The following STPG2 variants were observed in gnomAD, a reference collection of about 807,000 sequenced individuals.
STPG2 encodes the protein sperm tail PG-rich repeat containing 2.
Under a neutral mutation model 54.2 loss-of-function variants are expected in STPG2, and 56 were observed. The ratio of observed to expected loss-of-function variants is 1.03; its 90% CI spans 0.83 to 1.29. The LOEUF is 1.29. Ranked by LOEUF, STPG2 falls within the 50% of genes most tolerant of loss-of-function variation. STPG2 has a pLI of 0.00. For synonymous variants in STPG2, 200 were observed against 181.8 expected, an observed-to-expected ratio of 1.10 and a Z score of -0.81; for missense variants, 596 against 544.9, an observed-to-expected ratio of 1.09 and a Z score of -0.93.
chr4:97,466,964 A>G (rs1359881112), intron 4 of STPG2, among the ~76,000 whole-genome samples: 20 of 152,066 alleles, frequency 1.3e-4, no homozygotes, highest in Admixed American at 1.3e-3. Flanking sequence ...AAGCTACTAT[A>G]GTCAAAACCG....
At position 97,981,160 on chromosome 4, in the gene STPG2, T is replaced by C. The variant is rs1299919193; in HGVS notation, c.771A>G (p.Pro257=). The C allele has an allele frequency of 6.2e-7, 1 of 1,613,012 alleles. No individual in the cohort carries two copies. The highest frequency in any genetic ancestry group is 1.7e-5 in the Admixed American group (1 of 59,826). ...GACATATATAGATAAATTGCTAACC[T>C]GGCATTTCCTCTGTCCTGATGTCCT... ...FTQDIRTEEM[P]GPGFYNVLNN... is the part of the protein sequence containing the mutation. The change falls in exon 6 of 11, where the codon CCA becomes CCG. Residue 257 remains proline, a splice_region_variant and synonymous_variant. Transcript: ENST00000295268.
chr4:97,610,422 T>G (rs954313888), intron 10 of STPG2, among the ~76,000 whole-genome samples: 2 of 152,150 alleles, frequency 1.3e-5, no homozygotes, highest in East Asian at 3.9e-4. Context: ...TTACTACAAT[T>G]GAGACTACAA....
intron 5 of STPG2, among the ~76,000 whole-genome samples, chr4:98,037,424 T>C (rs1226767067): frequency 6.6e-6 from 1 of 152,074 alleles, no homozygotes; most frequent in Non-Finnish European, 1.5e-5. Context: ...CACTAATGAG[T>C]ATTTTTTAAG....
intron 8 of STPG2, among the ~76,000 whole-genome samples, chr4:97,859,736 A>G (rs1222142927): frequency 6.6e-6 from 1 of 152,170 alleles, no homozygotes; most frequent in East Asian, 1.9e-4. Context: ...TGCTGGGATT[A>G]TATGTGTGAT....
Position 97,717,536 on chromosome 4 carries a change from G to T in STPG2, c.1205-4722C>A, listed in dbSNP as rs113952920. ...ATACAAAGTCATATGGATTTGGCTTGACTGAAATATCTCTTCAGACAGCAA... is the reference window on the plus strand; with the variant it reads ...ATACAAAGTCATATGGATTTGGCTTTACTGAAATATCTCTTCAGACAGCAA... On this transcript the variant is annotated intron_variant, in intron 9 of 10. Transcript: ENST00000295268. Among the ~76,000 whole-genome samples the T allele has an allele frequency of 6.4e-3, 981 of 152,232 alleles. 5 individuals carry two copies. Among genetic ancestry groups the T allele is most frequent in the Non-Finnish European group, 0.01 (691 of 67,998 alleles).
chr4:97,850,445 G>A (rs1309257631), intron 8 of STPG2, among the ~76,000 whole-genome samples: 1 of 148,484 alleles, frequency 6.7e-6, no homozygotes. Context: ...AGAGGTTGAA[G>A]TAATTTTACC....
intron 2 of STPG2, among the ~76,000 whole-genome samples, chr4:98,131,461 G>A (rs947872968): frequency 3.9e-5 from 6 of 151,976 alleles, no homozygotes; most frequent in Non-Finnish European, 8.8e-5. Flanking sequence ...CCCCACACAC[G>A]AAATATCTGC....
intron 5 of STPG2, among the ~76,000 whole-genome samples, chr4:97,999,468 C>A (rs1200085000): frequency 6.6e-6 from 1 of 151,812 alleles, no homozygotes; most frequent in Non-Finnish European, 1.5e-5. Flanking sequence ...TTTGGGAGGC[C>A]GAGGTGGGCA....
intron 4 of STPG2, among the ~76,000 whole-genome samples, chr4:97,522,089 T>C (rs888725941): frequency 1.3e-5 from 2 of 152,050 alleles, no homozygotes. Context: ...AATTTTTTCT[T>C]AAACCTGACT....
At chr4:98,137,350 C>T (rs910732049) in intron 1 of STPG2, among the ~76,000 whole-genome samples, 3 of 151,624 alleles carry the variant, frequency 2.0e-5, no homozygotes, top group Non-Finnish European at 3.0e-5. Context: ...TAGTGTTTAA[C>T]TGTAGGGCAG....
chr4:97,894,890 G>C (rs1288097006), intron 8 of STPG2, among the ~76,000 whole-genome samples: 1 of 151,860 alleles, frequency 6.6e-6, no homozygotes, highest in African/African-American at 2.4e-5. Flanking sequence ...AATTATTCAA[G>C]TGACAGTGCA....
intron 5 of STPG2, among the ~76,000 whole-genome samples, chr4:98,007,636 T>C (rs999754961): frequency 1.3e-5 from 2 of 151,956 alleles, no homozygotes; most frequent in African/African-American, 4.8e-5. Flanking sequence ...AAATGCAAGA[T>C]AAAGAATTCA....
intron 4 of STPG2, among the ~76,000 whole-genome samples, chr4:97,533,891 T>G (rs1731470612): frequency 2.0e-5 from 3 of 152,144 alleles, no homozygotes; most frequent in African/African-American, 4.8e-5. Flanking sequence ...ATAAATATTT[T>G]GAATACATAC....
intron 4 of STPG2, among the ~76,000 whole-genome samples, chr4:97,550,054 TG>T (rs1731930274): frequency 1.3e-5 from 2 of 152,134 alleles, no homozygotes; most frequent in Non-Finnish European, 2.9e-5. Context: ...AATAAAAAGA[TG>T]TATATTAAAG....
intron 4 of STPG2, among the ~76,000 whole-genome samples, chr4:97,510,249 A>G (rs1484470152): frequency 6.6e-6 from 1 of 152,152 alleles, no homozygotes; most frequent in Non-Finnish European, 1.5e-5. Context: ...CATTCTTGTC[A>G]GGCTCAATAT....
intron 7 of STPG2, among the ~76,000 whole-genome samples, chr4:97,959,852 C>G (rs1472936324): frequency 6.6e-6 from 1 of 152,080 alleles, no homozygotes; most frequent in Non-Finnish European, 1.5e-5. Context: ...TTCTATAAAG[C>G]CAGTATCACC....
chr4:97,978,032 T>C lies in STPG2; in HGVS notation c.772+3127A>G, dbSNP rs190073267. The stretch of plus-strand genomic sequence containing the variant: ...AACTGCTAGATTCTAACTAAGGAAA[T>C]TTCCAGGCTGAATTTCAAAGTGCCA... On this transcript the variant is annotated intron_variant, in intron 6 of 10. Transcript: ENST00000295268. Among the ~76,000 whole-genome samples, 437 of 152,276 alleles carry C rather than the reference T, an allele frequency of 2.9e-3. 3 individuals carry two copies. Among genetic ancestry groups the C allele is most frequent in the African/African-American group, 9.9e-3 (413 of 41,562 alleles).
chr4:97,967,551 A>G (rs376875096), intron 7 of STPG2, among the ~76,000 whole-genome samples: 60 of 152,318 alleles, frequency 3.9e-4, no homozygotes, highest in East Asian at 3.5e-3. Context: ...TCAACAGAAT[A>G]TACATTCTTC....
At chr4:97,862,190 T>C (rs1729575363) in intron 8 of STPG2, among the ~76,000 whole-genome samples, 1 of 151,304 alleles carries the variant, frequency 6.6e-6, no homozygotes, top group Non-Finnish European at 1.5e-5. Context: ...CTCACCTTTA[T>C]TTTGAGCCTA....
Sources: allele counts gnomAD v4.1 joint callset (sites outside exome capture counted in the v4.1 genomes callset), GRCh38; gene constraint gnomAD v4.1.1; transcripts MANE v1.5; gene names NCBI Gene and HGNC (gene_info 2026-07-23, HGNC 2026-07-21).